The following CAMK4 variants were observed in gnomAD, a reference collection of about 807,000 sequenced individuals.
The protein encoded by CAMK4 is calcium/calmodulin dependent protein kinase IV.
A neutral mutation model predicts 44.9 loss-of-function variants in CAMK4; 22 were observed. The ratio of observed to expected loss-of-function variants is 0.49; its 90% CI spans 0.35 to 0.70. The LOEUF (loss-of-function observed/expected upper bound fraction) is 0.70. CAMK4 is among the 30% of genes least tolerant of loss of function. The pLI, the probability that CAMK4 is intolerant of heterozygous loss-of-function variation, is 0.01. For synonymous variants in CAMK4, 218 were observed against 215.4 expected (o/e 1.01, Z -0.11); for missense variants, 498 against 586.8 (o/e 0.85, Z 1.56).
At chr5:111,426,322 T>G (rs1753225257) in intron 5 of CAMK4, among the ~76,000 whole-genome samples, 1 of 152,198 alleles carries the variant, frequency 6.6e-6, no homozygotes, top group Non-Finnish European at 1.5e-5. Flanking sequence ...ATACCTCAAC[T>G]AGAGAAAGTA....
intron 7 of CAMK4, among the ~76,000 whole-genome samples, chr5:111,454,290 C>T (rs1026626550): frequency 3.3e-5 from 5 of 152,098 alleles, no homozygotes; most frequent in Admixed American, 1.3e-4. Context: ...TTTCAAATTA[C>T]ATCTTGTGAG....
chr5:111,365,737 C>T (rs146625584), intron 2 of CAMK4, among the ~76,000 whole-genome samples: 8 of 152,116 alleles, frequency 5.3e-5, no homozygotes, highest in South Asian at 2.1e-4. Context: ...TCCTTGAGAA[C>T]GCTGAAAAAT....
intron 1 of CAMK4, among the ~76,000 whole-genome samples, chr5:111,318,640 A>G (rs1473693481): frequency 6.6e-6 from 1 of 152,188 alleles, no homozygotes; most frequent in Non-Finnish European, 1.5e-5. Flanking sequence ...TTCTAATTCT[A>G]GGAATGTCTC....
intron 5 of CAMK4, among the ~76,000 whole-genome samples, chr5:111,440,039 T>C (rs539584110): frequency 6.6e-6 from 1 of 152,132 alleles, no homozygotes; most frequent in Non-Finnish European, 1.5e-5. Flanking sequence ...TAGGAAATAA[T>C]TGAGTATAGC....
intron 5 of CAMK4, among the ~76,000 whole-genome samples, chr5:111,430,610 A>G (rs1237231885): frequency 2.0e-5 from 3 of 152,232 alleles, no homozygotes; most frequent in African/African-American, 7.2e-5. Flanking sequence ...TGGTAAAGTC[A>G]CAGGATACAA....
chr5:111,364,878 G>A (rs1001030230), intron 2 of CAMK4: 6 of 152,118 alleles, frequency 3.9e-5, no homozygotes, highest in African/African-American at 1.4e-4. Flanking sequence ...CTTCATGTTA[G>A]TCAGTGTTAA....
rs77405000 is a variant in CAMK4, at chr5:111,469,396, C to T, written c.626-3915C>T. 9.5e-3 allele frequency among the ~76,000 whole-genome samples: 1,444 copies of T among 151,852 alleles called. 18 individuals carry two copies. Among genetic ancestry groups the T allele is most frequent in the African/African-American group, 0.033 (1,379 of 41,378 alleles). ...TCACTGTGGGACATTTAACTTTTTACATGGCAAGTTTACTCACATTGCAGT... is the reference window on the plus strand; with the variant it reads ...TCACTGTGGGACATTTAACTTTTTATATGGCAAGTTTACTCACATTGCAGT... On this transcript the variant is annotated intron_variant, in intron 7 of 10. Coordinates refer to ENST00000282356, the MANE Select transcript of CAMK4 (RefSeq NM_001744.6).
intron 6 of CAMK4, 123 bp downstream of exon 6, chr5:111,446,899 C>T: frequency 1.4e-6 from 1 of 716,820 alleles, no homozygotes; most frequent in East Asian, 2.7e-5. Flanking sequence ...GAATAATTGA[C>T]ATCTGTAAAG....
At chr5:111,294,609 T>C (rs940057707) in intron 1 of CAMK4, among the ~76,000 whole-genome samples, 1 of 152,186 alleles carries the variant, frequency 6.6e-6, no homozygotes, top group Non-Finnish European at 1.5e-5. Flanking sequence ...GCTAGCACTG[T>C]CTAAACTATG....
intron 1 of CAMK4, chr5:111,277,682 C>T (rs547720182): frequency 3.3e-5 from 5 of 152,010 alleles, no homozygotes; most frequent in African/African-American, 4.8e-5. Flanking sequence ...GAAACTCAGT[C>T]GTGTTTTTTT....
chr5:111,342,268 A>G (rs185381378), intron 1 of CAMK4, among the ~76,000 whole-genome samples: 8 of 151,484 alleles, frequency 5.3e-5, no homozygotes, highest in Admixed American at 1.3e-4. Context: ...TTTTAGTTCT[A>G]TAAGATTTTC....
Position 111,290,964 on chromosome 5 carries a change from T to G in CAMK4, c.162-53060T>G, listed in dbSNP as rs1299412313. Among the ~76,000 whole-genome samples the G allele has an allele frequency of 2.0e-5, 3 of 152,240 alleles. No individual in the cohort carries two copies. The highest frequency in any genetic ancestry group is 7.2e-5 in the African/African-American group (3 of 41,456). Reference sequence around the variant, plus strand: ...GAAAATGCCACTTGGCTCTTTATGTTACCATGGGAAATTCTAAGGCAAGAA... The same window carrying G: ...GAAAATGCCACTTGGCTCTTTATGTGACCATGGGAAATTCTAAGGCAAGAA... On this transcript the variant is annotated intron_variant, in intron 1 of 10. Transcript: ENST00000282356. This position sits in a 1 kb window ranked among gnomAD's most constrained non-coding sequence, Gnocchi z 4.5.
upstream of CAMK4, chr5:111,224,104 C>T: frequency 5.7e-6 from 1 of 176,062 alleles, no homozygotes; most frequent in Non-Finnish European, 1.2e-5. The surrounding 1 kb of genome is among the most constrained non-coding windows in gnomAD (Gnocchi z 5.7). Flanking sequence ...GCATCCGGAG[C>T]CGCCCTAGCC....
rs1386520704 is a variant in CAMK4 at position 111,374,892 on chromosome 5, C to T, written c.283C>T (p.Arg95Cys). Reference sequence around the variant, plus strand: ...AAGAACTGAGATAGGAGTTCTTCTTCGCCTCTCACATCCAAACATTGTAAG... The same window carrying T: ...AAGAACTGAGATAGGAGTTCTTCTTTGCCTCTCACATCCAAACATTGTAAG... ...IVRTEIGVLLRLSHPNIIKLK... is the reference protein window; with the variant it reads ...IVRTEIGVLLCLSHPNIIKLK... Residue 95 changes from arginine (R) to cysteine (C), a missense_variant, in exon 3 of 11, where the codon CGC becomes TGC. Coordinates refer to ENST00000282356, the MANE Select transcript of CAMK4 (RefSeq NM_001744.6). 2.5e-6 allele frequency: 4 copies of T among 1,611,256 alleles called. No homozygotes were observed. The highest frequency in any genetic ancestry group is 1.7e-5 in the Admixed American group (1 of 59,930).
chr5:111,232,592 A>G (rs1748529953), intron 1 of CAMK4, among the ~76,000 whole-genome samples: 1 of 152,120 alleles, frequency 6.6e-6, no homozygotes. Flanking sequence ...AAACAAAAAG[A>G]GTAGGCTTGT....
chr5:111,390,815 C>T (rs1561457427), intron 4 of CAMK4, among the ~76,000 whole-genome samples: 1 of 152,104 alleles, frequency 6.6e-6, no homozygotes, highest in African/African-American at 2.4e-5. Flanking sequence ...CGGGTATCCC[C>T]ATGAAGCCTA....
chr5:111,411,211 G>T (rs996097511), intron 5 of CAMK4, among the ~76,000 whole-genome samples: 2 of 152,158 alleles, frequency 1.3e-5, no homozygotes, highest in Admixed American at 6.6e-5. Context: ...ACCAAGACAT[G>T]GGACACAGAC....
At position 111,269,241 on chromosome 5, in the gene CAMK4, A is replaced by G. The variant is rs1012387520; in HGVS notation, c.161+44597A>G. 5.3e-5 allele frequency among the ~76,000 whole-genome samples: 8 copies of G among 152,190 alleles called. No individual in the cohort carries two copies. In the East Asian group the frequency reaches 1.5e-3, roughly 29 times the overall value. On this transcript the variant is annotated intron_variant, in intron 1 of 10. Transcript: ENST00000282356. ...GTAGTGGGGGTTTGTGAAGGGTCTG[A>G]TTGGAGAGAATTGAGAAGGCAAACC...
rs1172736605 is a variant in CAMK4, at chr5:111,224,772, C to G, written c.161+128C>G. 7 of 894,216 alleles carry G rather than the reference C, an allele frequency of 7.8e-6. No individual in the cohort carries two copies. The highest frequency in any genetic ancestry group is 1.8e-5 in the African/African-American group (1 of 57,092). The allele number at this position is 894,216 out of a possible 1,614,324, so 55.4% of individuals were successfully genotyped here. On this transcript the variant is annotated intron_variant, in intron 1 of 10. Coordinates refer to ENST00000282356, the MANE Select transcript of CAMK4 (RefSeq NM_001744.6). This position sits in a 1 kb window ranked among gnomAD's most constrained non-coding sequence, Gnocchi z 5.7. ...CGATTTCTCCCTACCTAGTTAGTGT[C>G]TTGAGAGAGAGCTAACCTTCATTCA...
Sources: gnomAD v4.1 joint callset for allele counts (sites outside exome capture counted in the v4.1 genomes callset) on GRCh38, gnomAD v4.1.1 for gene constraint, Gnocchi (gnomAD v3.1) non-coding constraint, MANE v1.5 for transcripts, NCBI Gene and HGNC (gene_info 2026-07-23, HGNC 2026-07-21) for gene names.